The following PRELID2 variants were observed in gnomAD, a reference collection of about 807,000 sequenced individuals.
The protein encoded by PRELID2 is PRELI domain-containing protein 2.
A neutral mutation model predicts 28.4 loss-of-function variants in PRELID2; 25 were observed. The observed-to-expected ratio is 0.88, with a 90% CI of 0.64 to 1.23. PRELID2 has a LOEUF of 1.23. Ranked by LOEUF, PRELID2 falls within the 50% of genes most tolerant of loss-of-function variation. The pLI, the probability that PRELID2 is intolerant of heterozygous loss-of-function variation, is 0.00. For missense variants in PRELID2, 201 were observed against 214.4 expected, an observed-to-expected ratio of 0.94 and a Z score of 0.39; for synonymous variants, 76 against 71.6, an observed-to-expected ratio of 1.06 and a Z score of -0.31.
Position 145,782,652 on chromosome 5 carries a change from C to G in PRELID2, c.474+13790G>C, listed in dbSNP as rs149796034. ...TTTAACAACCCTACCACATGCTTAC[C>G]ATGGCTTCTGCTAATTAGCATTTTA... is the stretch of plus-strand genomic sequence containing the variant. On this transcript the variant is annotated intron_variant, in intron 5 of 6. Transcript: ENST00000683046. 8.8e-3 allele frequency among the ~76,000 whole-genome samples: 1,339 copies of G among 152,246 alleles called. 24 individuals are homozygous for G. Among genetic ancestry groups the G allele is most frequent in the African/African-American group, 0.031 (1,278 of 41,536 alleles).
At chr5:145,483,202 T>C (rs773760164) in intron 1 of PRELID2, among the ~76,000 whole-genome samples, 5 of 152,164 alleles carry the variant, frequency 3.3e-5, no homozygotes, top group Non-Finnish European at 7.3e-5. Flanking sequence ...CATCAAAATA[T>C]AGAGTCTGTT....
the PRELID2 span, among the ~76,000 whole-genome samples, chr5:145,392,237 G>A: frequency 2.0e-5 from 3 of 152,258 alleles, no homozygotes; most frequent in Admixed American, 1.3e-4. Flanking sequence ...AGTTCAGCAT[G>A]GCTGGGGAGG....
intron 1 of PRELID2, among the ~76,000 whole-genome samples, chr5:145,511,095 G>A (rs1180179848): frequency 1.3e-5 from 2 of 152,120 alleles, no homozygotes; most frequent in African/African-American, 2.4e-5. Flanking sequence ...GATTCAGAAG[G>A]GTAATGATGT....
At chr5:145,278,257 A>G in the PRELID2 span, among the ~76,000 whole-genome samples, 1 of 152,148 alleles carries the variant, frequency 6.6e-6, no homozygotes, top group African/African-American at 2.4e-5. Context: ...GTGTAATAAT[A>G]TTACCACCAA....
the PRELID2 span, among the ~76,000 whole-genome samples, chr5:145,447,173 C>T: frequency 1.3e-5 from 2 of 151,840 alleles, no homozygotes; most frequent in African/African-American, 4.8e-5. Context: ...GTTATATAGG[C>T]CTGGAGCCAA....
intron 1 of PRELID2, among the ~76,000 whole-genome samples, chr5:145,614,204 C>G (rs916907626): frequency 6.6e-6 from 1 of 152,192 alleles, no homozygotes; most frequent in East Asian, 1.9e-4. Context: ...CAGTACCATG[C>G]TGTTTTGGCG....
At chr5:145,672,668 A>G (rs545758892) in intron 1 of PRELID2, among the ~76,000 whole-genome samples, 1 of 152,290 alleles carries the variant, frequency 6.6e-6, no homozygotes, top group East Asian at 1.9e-4. Flanking sequence ...ACTAAAAATT[A>G]GAAACAAGTA....
chr5:145,598,634 A>G (rs2149636208), intron 1 of PRELID2, among the ~76,000 whole-genome samples: 1 of 152,304 alleles, frequency 6.6e-6, no homozygotes, highest in East Asian at 1.9e-4. Flanking sequence ...GCACAGTAGC[A>G]TTTCATTTAT....
At chr5:145,697,603 A>C (rs143997264) in intron 1 of PRELID2, among the ~76,000 whole-genome samples, 27 of 152,308 alleles carry the variant, frequency 1.8e-4, no homozygotes. Context: ...TGGCCTGCAA[A>C]GCCTAAAATA....
In PRELID2 at chr5:145,651,206, G is replaced by C. The variant is rs185142123; in HGVS notation, n.70+113725C>G. ...GAACTGCAAGACGGCAGTGAGGCTA[G>C]GGGAGAGGTGCCTGCCATTGCTGAG... On this transcript the variant is annotated intron_variant and non_coding_transcript_variant, in intron 1 of 2. Coordinates refer to the PRELID2 transcript ENST00000510259. Among the ~76,000 whole-genome samples, 195 of 152,320 alleles carry C rather than the reference G, an allele frequency of 1.3e-3. 2 individuals carry two copies. The highest frequency in any genetic ancestry group is 4.6e-3 in the African/African-American group (191 of 41,570).
At chr5:145,341,380 G>A in the PRELID2 span, among the ~76,000 whole-genome samples, 12 of 152,052 alleles carry the variant, frequency 7.9e-5, no homozygotes, top group African/African-American at 2.9e-4. Context: ...TTCAGTACAT[G>A]AGTGAGAAAT....
chr5:145,674,834 C>A lies in PRELID2; in HGVS notation n.70+90097G>T, dbSNP rs145359935. ...TGGTGGTGCACACCTGTAGTCCCAG[C>A]TGAAGCAGGAGGATCACTTGAACCC... On this transcript the variant is annotated intron_variant and non_coding_transcript_variant, in intron 1 of 2. Transcript: ENST00000510259. Among the ~76,000 whole-genome samples the A allele has an allele frequency of 1.1e-3, 160 of 152,116 alleles. 1 individual carries two copies. Among genetic ancestry groups the A allele is most frequent in the African/African-American group, 3.5e-3 (144 of 41,476 alleles).
chr5:145,379,878 C>A, the PRELID2 span, among the ~76,000 whole-genome samples: 1 of 152,104 alleles, frequency 6.6e-6, no homozygotes, highest in Non-Finnish European at 1.5e-5. Context: ...CAAGCATGTC[C>A]AGGCTAGATC....
At chr5:145,310,750 A>G in the PRELID2 span, among the ~76,000 whole-genome samples, 2 of 152,108 alleles carry the variant, frequency 1.3e-5, no homozygotes, top group South Asian at 2.1e-4. Context: ...TTCAAAATGC[A>G]TCTTCGTAAA....
the PRELID2 span, among the ~76,000 whole-genome samples, chr5:145,438,036 G>A: frequency 6.6e-6 from 1 of 152,022 alleles, no homozygotes; most frequent in African/African-American, 2.4e-5. Context: ...CCTTGCAGAA[G>A]GGAAAATGCA....
chr5:145,229,332 TG>T, the PRELID2 span: 3 of 742,566 alleles, frequency 4.0e-6, no homozygotes, highest in South Asian at 2.7e-5. Flanking sequence ...ATTCCCATCC[TG>T]GTCACTCCCA....
intron 1 of PRELID2, among the ~76,000 whole-genome samples, chr5:145,477,240 A>C (rs969367124): frequency 6.6e-6 from 1 of 152,154 alleles, no homozygotes; most frequent in African/African-American, 2.4e-5. Context: ...TGGATCCAGG[A>C]GCACAAAAGG....
chr5:145,418,962 G>A, the PRELID2 span, among the ~76,000 whole-genome samples: 1 of 147,968 alleles, frequency 6.8e-6, no homozygotes. Context: ...TCCCACCTAT[G>A]AGTGAGAATA....
chr5:145,419,687 T>A, the PRELID2 span, among the ~76,000 whole-genome samples: 1 of 152,204 alleles, frequency 6.6e-6, no homozygotes, highest in Non-Finnish European at 1.5e-5. Context: ...GGTTGCCTGT[T>A]CACTCTGATG....
Sources: allele counts gnomAD v4.1 joint callset (sites outside exome capture counted in the v4.1 genomes callset), GRCh38; gene constraint gnomAD v4.1.1; transcripts MANE v1.5; gene names NCBI Gene and HGNC (gene_info 2026-07-23, HGNC 2026-07-21).